CATSPERD: variants seen among roughly 807,000 people sequenced by gnomAD.
CATSPERD encodes cation channel sperm-associated auxiliary subunit delta.
In CATSPERD, 86 loss-of-function variants were observed where a neutral mutation model predicts 98.1. The observed-to-expected ratio is 0.88, with a 90% CI of 0.74 to 1.05. CATSPERD has a LOEUF of 1.05. Ranked by LOEUF, CATSPERD falls within the 50% of genes least tolerant of loss-of-function variation. The pLI is 0.00. For missense variants in CATSPERD, 995 were observed against 1,005.7 expected, an observed-to-expected ratio of 0.99 and a Z score of 0.14; for synonymous variants, 394 against 390.2, an observed-to-expected ratio of 1.01 and a Z score of -0.12.
chr19:5,749,908 A>G (rs2056171769), intron 11 of CATSPERD, among the ~76,000 whole-genome samples: 2 of 150,998 alleles, frequency 1.3e-5, no homozygotes, highest in African/African-American at 4.9e-5. Flanking sequence ...GGTTCAAGCA[A>G]TTCTCCTGCC....
chr19:5,766,761 T>G (rs991130543), intron 17 of CATSPERD, among the ~76,000 whole-genome samples: 1 of 151,258 alleles, frequency 6.6e-6, no homozygotes, highest in Non-Finnish European at 1.5e-5. Context: ...GGCACGATCT[T>G]GACTCACTGC....
At chr19:5,727,831 G>A (rs1479335898) in intron 3 of CATSPERD, among the ~76,000 whole-genome samples, 14 of 152,022 alleles carry the variant, frequency 9.2e-5, no homozygotes, top group Non-Finnish European at 4.4e-5. Flanking sequence ...CACCCTGAGG[G>A]TAGTGGAGGA....
At chr19:5,758,405 A>AAGCCTTTC (rs1350287373) in intron 14 of CATSPERD, among the ~76,000 whole-genome samples, 4 of 151,926 alleles carry the variant, frequency 2.6e-5, no homozygotes, top group Non-Finnish European at 4.4e-5. Context: ...GAGCTTCCAG[A>AAGCCTTTC]AGCCTTTCAC....
chr19:5,755,333 GATTATACTCAGACTATTGAGT>G (rs1308623111), intron 13 of CATSPERD, among the ~76,000 whole-genome samples: 1 of 151,952 alleles, frequency 6.6e-6, no homozygotes, highest in African/African-American at 2.4e-5. Flanking sequence ...GCACAAAACC[GATTATACTCAGACTATTGAGT>G]ATTATACTCA....
chr19:5,764,288 G>A (rs1381780343), intron 16 of CATSPERD, among the ~76,000 whole-genome samples: 1 of 147,960 alleles, frequency 6.8e-6, no homozygotes, highest in Non-Finnish European at 1.5e-5. Context: ...GTAAATCCAT[G>A]TTTGTCTTGC....
Position 5,746,045 on chromosome 19 carries a change from T to C in CATSPERD, c.790T>C (p.Leu264=), listed in dbSNP as rs377544635. ...ILLLWFENSL[L]FSHNAGQLVD... Reference sequence around the variant, plus strand: ...GCTCCTATGGTTTGAGAACAGCCTGTTGTTTTCCCATAATGCAGGTGAGCC... The same window carrying C: ...GCTCCTATGGTTTGAGAACAGCCTGCTGTTTTCCCATAATGCAGGTGAGCC... Residue 264 remains leucine (L), a synonymous_variant, in exon 9 of 22, where the codon TTG becomes CTG. Coordinates refer to ENST00000381624, the MANE Select transcript of CATSPERD (RefSeq NM_152784.4). 24 of 1,613,868 alleles carry C rather than the reference T, an allele frequency of 1.5e-5. No homozygotes were observed. Among genetic ancestry groups the C allele is most frequent in the Non-Finnish European group, 1.9e-5 (23 of 1,180,022 alleles).
At chr19:5,767,015 T>G (rs990706120) in intron 17 of CATSPERD, among the ~76,000 whole-genome samples, 3 of 151,434 alleles carry the variant, frequency 2.0e-5, no homozygotes, top group African/African-American at 7.3e-5. Context: ...TAAAATAAAT[T>G]TTTTAAAAAG....
Position 5,778,439 on chromosome 19 carries a change from C to A in CATSPERD, c.2160C>A (p.Val720=). 3 of 1,613,954 alleles carry A rather than the reference C, an allele frequency of 1.9e-6. No homozygotes were observed. Among genetic ancestry groups the A allele is most frequent in the Non-Finnish European group, 2.5e-6 (3 of 1,180,024 alleles). ...YVYGAFPVQL[V]SAGVVILLII... is the part of the protein sequence containing the mutation. ...ATGGAGCATTCCCCGTGCAGCTGGT[C>A]TCTGCTGGAGTCGTCATCCTACTGA... Residue 720 remains valine, a synonymous_variant, in exon 22 of 22, where the codon GTC becomes GTA. Transcript: ENST00000381624.
intron 15 of CATSPERD, among the ~76,000 whole-genome samples, chr19:5,760,993 C>T (rs2056422808): frequency 6.6e-6 from 1 of 151,236 alleles, no homozygotes; most frequent in African/African-American, 2.4e-5. Context: ...CGAGTTTTCA[C>T]TGCTTCTTGA....
At chr19:5,762,522 A>G (rs1442587318) in intron 15 of CATSPERD, among the ~76,000 whole-genome samples, 1 of 152,152 alleles carries the variant, frequency 6.6e-6, no homozygotes, top group African/African-American at 2.4e-5. Context: ...GGGACATAGA[A>G]CCAAACCATA....
chr19:5,754,362 T>A, intron 13 of CATSPERD, 117 bp downstream of exon 13: 4 of 460,836 alleles, frequency 8.7e-6, no homozygotes, highest in Non-Finnish European at 1.2e-5. Flanking sequence ...ACTCGCACAC[T>A]CACAATTCTG....
At chr19:5,776,430 G>A in intron 21 of CATSPERD, 115 bp downstream of exon 21, 1 of 1,171,578 alleles carries the variant, frequency 8.5e-7, no homozygotes. Flanking sequence ...CAACAGCCCA[G>A]GCCGTCCCCA....
intron 12 of CATSPERD, among the ~76,000 whole-genome samples, chr19:5,752,636 A>G (rs2056242501): frequency 6.6e-6 from 1 of 152,176 alleles, no homozygotes; most frequent in African/African-American, 2.4e-5. Flanking sequence ...TTTGCCAGAA[A>G]TACAAAAGAC....
Position 5,740,754 on chromosome 19 carries a change from C to T in CATSPERD, c.573+1315C>T, listed in dbSNP as rs578262449. 7.4e-5 allele frequency among the ~76,000 whole-genome samples: 10 copies of T among 135,168 alleles called. No individual in the cohort carries two copies. The East Asian group carries it at 2.1e-3, about 29-fold the overall frequency. The allele number at this position is 135,168 out of a possible 152,430, so 88.7% of individuals were successfully genotyped here. A position where few individuals can be genotyped will look rare whatever the true frequency, so the allele number is the denominator to read the frequency against. Reference sequence around the variant, plus strand: ...CACTCCAGCCTGGGCAACAGAGAAACTCCGTCTCAAAAAAAAAAAAAAAAA... The same window carrying T: ...CACTCCAGCCTGGGCAACAGAGAAATTCCGTCTCAAAAAAAAAAAAAAAAA... On this transcript the variant is annotated intron_variant, in intron 7 of 21. Coordinates refer to ENST00000381624, the MANE Select transcript of CATSPERD (RefSeq NM_152784.4).
chr19:5,772,664 T>G, intron 19 of CATSPERD, 124 bp from the exon 20 acceptor site: 1 of 948,786 alleles, frequency 1.1e-6, no homozygotes, highest in Non-Finnish European at 1.6e-6. Flanking sequence ...CAGGCGTCCT[T>G]TGGTTTCCTC....
In CATSPERD at chr19:5,739,313, T is replaced by G. The variant is rs762579398; in HGVS notation, c.460-13T>G. The G allele has an allele frequency of 2.2e-6, 3 of 1,373,722 alleles. No homozygotes were observed. In the East Asian group the frequency reaches 6.9e-5, roughly 31 times the overall value. 85.1% of individuals were successfully genotyped at this position (1,373,722 alleles called of 1,614,324 possible). ...TCTTTCTTTCATTCTTTCTTTCTTTTTTTTTTTTATAGCATGTCAGTAATT... is the reference window on the plus strand; with the variant it reads ...TCTTTCTTTCATTCTTTCTTTCTTTGTTTTTTTTATAGCATGTCAGTAATT... On this transcript the variant is annotated splice_polypyrimidine_tract_variant and intron_variant, in intron 6 of 21. Coordinates refer to ENST00000381624, the MANE Select transcript of CATSPERD (RefSeq NM_152784.4).
intron 18 of CATSPERD, among the ~76,000 whole-genome samples, chr19:5,768,488 C>T (rs2145851409): frequency 6.6e-6 from 1 of 152,116 alleles, no homozygotes; most frequent in African/African-American, 2.4e-5. Flanking sequence ...AGGTTCCCGC[C>T]ACCAGGCACG....
intron 20 of CATSPERD, among the ~76,000 whole-genome samples, chr19:5,773,994 G>A (rs1469609941): frequency 2.2e-5 from 3 of 136,442 alleles, no homozygotes; most frequent in Admixed American, 8.0e-5. Flanking sequence ...TTGAGACGGA[G>A]CCTCACTGTG....
intron 3 of CATSPERD, 135 bp from the exon 4 acceptor site, chr19:5,729,737 G>C (rs1198795955): frequency 1.8e-6 from 1 of 568,498 alleles, no homozygotes; most frequent in East Asian, 3.0e-5. Flanking sequence ...TGCAAAATAA[G>C]TAAATTATAT....
Sources: allele counts gnomAD v4.1 joint callset (sites outside exome capture counted in the v4.1 genomes callset), GRCh38; gene constraint gnomAD v4.1.1; transcripts MANE v1.5; gene names NCBI Gene and HGNC (gene_info 2026-07-23, HGNC 2026-07-21).